Variants in DCC observed in about 807,000 individuals in gnomAD.
DCC encodes the protein netrin receptor DCC.
Under a neutral mutation model 172.5 loss-of-function variants are expected in DCC, and 58 were observed. The ratio of observed to expected loss-of-function variants is 0.34; its 90% CI spans 0.27 to 0.42. DCC has a LOEUF of 0.42. Ranked by LOEUF, DCC falls within the 10% of genes least tolerant of loss-of-function variation. The pLI is 1.00. For synonymous variants in DCC, 709 were observed against 644.5 expected (o/e 1.10, Z -1.52); for missense variants, 1,740 against 1,791.0 (o/e 0.97, Z 0.51).
intron 12 of DCC, among the ~76,000 whole-genome samples, chr18:53,289,136 G>A (rs1024232582): frequency 7.0e-6 from 1 of 143,560 alleles, no homozygotes; most frequent in Admixed American, 7.3e-5. Context: ...ACAATTTAGT[G>A]GTAAGAATAT....
Position 52,991,030 on chromosome 18 carries a change from G to A in DCC, c.985+65660G>A, listed in dbSNP as rs747004907. On this transcript the variant is annotated intron_variant, in intron 5 of 28. Transcript: ENST00000442544. ...GCCTAAGTTCATACAGCTAGTAAGC[G>A]GAGGAGACACAATTCAAGCCCAAGG... is the stretch of plus-strand genomic sequence containing the variant. 4.6e-5 allele frequency among the ~76,000 whole-genome samples: 7 copies of A among 152,108 alleles called. No individual in the cohort carries two copies. The East Asian group carries it at 9.6e-4, about 21-fold the overall frequency.
intron 12 of DCC, among the ~76,000 whole-genome samples, chr18:53,269,879 C>T (rs576093099): frequency 1.2e-4 from 19 of 152,176 alleles, no homozygotes; most frequent in Non-Finnish European, 2.5e-4. Flanking sequence ...GAGGTGAGCC[C>T]CCTAGAGTTT....
intron 23 of DCC, among the ~76,000 whole-genome samples, chr18:53,453,416 C>T (rs1234428780): frequency 1.3e-5 from 2 of 152,066 alleles, no homozygotes; most frequent in Admixed American, 6.5e-5. Context: ...AACGCATTCA[C>T]GAGCTTCTTC....
At chr18:52,838,464 T>C (rs528237951) in intron 2 of DCC, among the ~76,000 whole-genome samples, 141 of 152,302 alleles carry the variant, frequency 9.3e-4, no homozygotes, top group African/African-American at 3.0e-3. Flanking sequence ...TCAGTGATTG[T>C]ACTGGCTGTG....
intron 1 of DCC, among the ~76,000 whole-genome samples, chr18:52,591,900 A>G (rs2033809943): frequency 6.7e-6 from 1 of 148,608 alleles, no homozygotes; most frequent in African/African-American, 2.5e-5. Flanking sequence ...ATGCCCCACC[A>G]TGGCCTTCCA....
At chr18:53,481,347 G>T (rs937251817) in intron 25 of DCC, among the ~76,000 whole-genome samples, 2 of 152,130 alleles carry the variant, frequency 1.3e-5, no homozygotes, top group Non-Finnish European at 2.9e-5. Flanking sequence ...CAGCACTTAG[G>T]ACTCTTTACC....
Position 53,526,647 on chromosome 18 carries a change from C to A in DCC, c.4142C>A (p.Thr1381Lys), listed in dbSNP as rs1339216091. 1 of 1,613,558 alleles carries A rather than the reference C, an allele frequency of 6.2e-7. No individual in the cohort carries two copies. ...GPTLPKTHVK[T>K]ASLGLAGKAR... is the part of the protein sequence containing the mutation. Reference sequence around the variant, plus strand: ...ACTCTTCCTAAGACCCATGTGAAAACAGCCTCCCTTGGGTTGGCTGGAAAA... The same window carrying A: ...ACTCTTCCTAAGACCCATGTGAAAAAAGCCTCCCTTGGGTTGGCTGGAAAA... The change falls in exon 28 of 29, where the codon ACA becomes AAA. Residue 1381 changes from threonine (T) to lysine (K), a missense_variant. By Grantham distance (78) the Thr-to-Lys change is moderately conservative. Coordinates refer to ENST00000442544, the MANE Select transcript of DCC (RefSeq NM_005215.4).
intron 11 of DCC, among the ~76,000 whole-genome samples, chr18:53,209,908 A>T (rs2055719766): frequency 6.6e-6 from 1 of 152,214 alleles, no homozygotes; most frequent in Non-Finnish European, 1.5e-5. Context: ...TTAGTCCAAG[A>T]ATTATCTTCT....
intron 15 of DCC, among the ~76,000 whole-genome samples, chr18:53,379,850 C>T (rs1458651240): frequency 2.0e-5 from 3 of 152,014 alleles, no homozygotes; most frequent in Non-Finnish European, 4.4e-5. Context: ...GCTAAATAAC[C>T]CAGAATATTC....
At position 52,664,475 on chromosome 18, in the gene DCC, T is replaced by C. The variant is rs933008006; in HGVS notation, c.92-87579T>C. The stretch of plus-strand genomic sequence containing the variant: ...ATCTTTTTTCTTTTCTTTTTCTTTT[T>C]CTTTTTTTTTTTTTTTTGAGACCGA... On this transcript the variant is annotated intron_variant, in intron 1 of 28. Coordinates refer to ENST00000442544, the MANE Select transcript of DCC (RefSeq NM_005215.4). Among the ~76,000 whole-genome samples the C allele has an allele frequency of 9.4e-5, 11 of 117,218 alleles. 1 individual carries two copies. Among genetic ancestry groups the C allele is most frequent in the Non-Finnish European group, 1.9e-4 (10 of 53,348 alleles). The allele number at this position is 117,218 out of a possible 152,430, so 76.9% of individuals were successfully genotyped here.
chr18:52,866,223 G>C (rs1332477273), intron 2 of DCC, among the ~76,000 whole-genome samples: 1 of 152,142 alleles, frequency 6.6e-6, no homozygotes, highest in Non-Finnish European at 1.5e-5. Flanking sequence ...TGTTATTTCT[G>C]AGGCCAGTGT....
At chr18:52,418,225 C>T (rs1444669327) in intron 1 of DCC, among the ~76,000 whole-genome samples, 1 of 152,308 alleles carries the variant, frequency 6.6e-6, no homozygotes, top group East Asian at 1.9e-4. Flanking sequence ...TTAATTTCCT[C>T]TGCCATTAGT....
intron 1 of DCC, among the ~76,000 whole-genome samples, chr18:52,547,512 G>A (rs1642042713): frequency 1.3e-5 from 2 of 152,048 alleles, no homozygotes; most frequent in South Asian, 4.1e-4. Context: ...GGTAAATTCT[G>A]CCCACAGCAT....
chr18:53,039,007 A>G (rs2042132256), intron 5 of DCC, among the ~76,000 whole-genome samples: 2 of 152,020 alleles, frequency 1.3e-5, no homozygotes, highest in South Asian at 4.1e-4. Context: ...CATCAGGGAA[A>G]AAATATCTTG....
intron 15 of DCC, among the ~76,000 whole-genome samples, chr18:53,366,901 G>T (rs1165770934): frequency 6.6e-6 from 1 of 152,158 alleles, no homozygotes; most frequent in Non-Finnish European, 1.5e-5. Context: ...AGATGACAAG[G>T]ACTTACACCC....
At chr18:53,006,190 A>C (rs2041642839) in intron 5 of DCC, among the ~76,000 whole-genome samples, 1 of 152,252 alleles carries the variant, frequency 6.6e-6, no homozygotes, top group South Asian at 2.1e-4. Context: ...AGAAAATTCA[A>C]ACTGGCTTTA....
At chr18:52,510,528 C>T (rs1290109099) in intron 1 of DCC, among the ~76,000 whole-genome samples, 1 of 152,130 alleles carries the variant, frequency 6.6e-6, no homozygotes, top group Non-Finnish European at 1.5e-5. Context: ...GCTCTATTTT[C>T]CTGGAGAAAG....
chr18:52,723,696 G>A (rs1309954633), intron 1 of DCC, among the ~76,000 whole-genome samples: 1 of 152,168 alleles, frequency 6.6e-6, no homozygotes, highest in African/African-American at 2.4e-5. Flanking sequence ...GCTCATAAGG[G>A]CTTCTTTGCA....
chr18:52,708,223 C>T (rs2036240711), intron 1 of DCC, among the ~76,000 whole-genome samples: 4 of 152,054 alleles, frequency 2.6e-5, no homozygotes, highest in Admixed American at 6.5e-5. Flanking sequence ...GGATGGATCA[C>T]GAGGTCAGGA....
Sources: gnomAD v4.1 joint callset for allele counts (sites outside exome capture counted in the v4.1 genomes callset) on GRCh38, gnomAD v4.1.1 for gene constraint, MANE v1.5 for transcripts, NCBI Gene and HGNC (gene_info 2026-07-23, HGNC 2026-07-21) for gene names.